Variants in CALCR observed in about 807,000 individuals in gnomAD.
The protein encoded by CALCR is calcitonin receptor.
Under a neutral mutation model 59.5 loss-of-function variants are expected in CALCR, and 47 were observed. That is an observed-to-expected ratio of 0.79 (90% CI 0.63 to 1.01). The LOEUF (loss-of-function observed/expected upper bound fraction) is 1.01. Among genes scored for constraint, CALCR ranks in the 50% least tolerant of loss-of-function variants. The pLI, the probability that CALCR is intolerant of heterozygous loss-of-function variation, is 0.00. For missense variants in CALCR, 566 were observed against 597.1 expected (o/e 0.95, Z 0.54); for synonymous variants, 213 against 211.3 (o/e 1.01, Z -0.07).
Position 93,503,582 on chromosome 7 carries a change from C to T in CALCR, c.-26-16575G>A, listed in dbSNP as rs147879786. ...CATTTTCTAATTTTTGCAACATTGA[C>T]GGGAATTGCTTTTGAAAAAAAAGAA... On this transcript the variant is annotated intron_variant, in intron 2 of 13. Transcript: ENST00000426151. 2.2e-3 allele frequency among the ~76,000 whole-genome samples: 339 copies of T among 151,780 alleles called. 8 individuals carry two copies. Among genetic ancestry groups the T allele is most frequent in the Admixed American group, 0.02 (307 of 15,234 alleles).
At chr7:93,497,064 C>T (rs576908582) in intron 2 of CALCR, among the ~76,000 whole-genome samples, 4 of 151,686 alleles carry the variant, frequency 2.6e-5, no homozygotes, top group African/African-American at 7.2e-5. Context: ...TTTAAAATGT[C>T]TATCTAAATC....
chr7:93,510,607 C>T (rs1028561193), intron 2 of CALCR, among the ~76,000 whole-genome samples: 3 of 152,150 alleles, frequency 2.0e-5, no homozygotes, highest in African/African-American at 2.4e-5. Context: ...GTGGCTCAAG[C>T]TTATAATCCC....
chr7:93,484,409 G>A (rs1209034535), intron 3 of CALCR, among the ~76,000 whole-genome samples: 1 of 151,724 alleles, frequency 6.6e-6, no homozygotes, highest in Non-Finnish European at 1.5e-5. Flanking sequence ...TGTGCTGAAG[G>A]GAGAGCTTCC....
intron 2 of CALCR, among the ~76,000 whole-genome samples, chr7:93,525,518 G>A (rs1801858803): frequency 6.6e-6 from 1 of 152,168 alleles, no homozygotes; most frequent in African/African-American, 2.4e-5. Context: ...TGGTGTGTAT[G>A]TTGAACACAG....
intron 7 of CALCR, among the ~76,000 whole-genome samples, chr7:93,464,229 A>T (rs771597080): frequency 6.6e-6 from 1 of 151,972 alleles, no homozygotes; most frequent in Non-Finnish European, 1.5e-5. Context: ...TTGCCAGTTG[A>T]CTAAATCAGT....
chr7:93,441,715 G>T (rs1799909930), intron 9 of CALCR, among the ~76,000 whole-genome samples: 1 of 152,112 alleles, frequency 6.6e-6, no homozygotes, highest in Non-Finnish European at 1.5e-5. Context: ...GTGCAGCGCT[G>T]CTCTCCTTAT....
intron 2 of CALCR, among the ~76,000 whole-genome samples, chr7:93,492,442 T>A (rs1018057732): frequency 6.6e-6 from 1 of 151,422 alleles, no homozygotes; most frequent in African/African-American, 2.4e-5. Flanking sequence ...CCCAAAAGGG[T>A]AAATTCTATT....
intron 13 of CALCR, among the ~76,000 whole-genome samples, chr7:93,433,047 A>G (rs1799690862): frequency 6.6e-6 from 1 of 152,182 alleles, no homozygotes; most frequent in Non-Finnish European, 1.5e-5. Context: ...ATGAGTTGGT[A>G]GGTGAATGGA....
chr7:93,494,630 G>GAA, intron 2 of CALCR, among the ~76,000 whole-genome samples: 1 of 151,522 alleles, frequency 6.6e-6, no homozygotes, highest in Non-Finnish European at 1.5e-5. Context: ...CCTCTAGTCA[G>GAA]AAAAGTTGCA....
At chr7:93,508,139 TA>T (rs1422967994) in intron 2 of CALCR, among the ~76,000 whole-genome samples, 1 of 152,234 alleles carries the variant, frequency 6.6e-6, no homozygotes, top group African/African-American at 2.4e-5. Flanking sequence ...TTCACACATA[TA>T]TTGCCATTTG....
At chr7:93,544,846 A>T in intron 2 of CALCR, among the ~76,000 whole-genome samples, 1 of 152,142 alleles carries the variant, frequency 6.6e-6, no homozygotes. Context: ...AAAGATATTT[A>T]TGTCACTGTG....
In CALCR at chr7:93,472,369, A is replaced by G; in HGVS notation, c.429+6T>C. On this transcript the variant is annotated splice_donor_region_variant and intron_variant, in intron 6 of 13. Transcript: ENST00000426151. ...ACTCAATACTGAAACGTGAAAAAGA[A>G]CCTACCTTCAGTTTCTCAGGAGTGA... is the stretch of plus-strand genomic sequence containing the variant. 6.6e-7 allele frequency: 1 copy of G among 1,517,942 alleles called. No homozygotes were observed. Among genetic ancestry groups the G allele is most frequent in the Non-Finnish European group, 9.1e-7 (1 of 1,095,604 alleles). The allele number at this position is 1,517,942 out of a possible 1,614,324, so 94.0% of individuals were successfully genotyped here.
Position 93,441,146 on chromosome 7 carries a change from G to A in CALCR, c.802+2458C>T, listed in dbSNP as rs1799893730. ...AGCAGTATAAATTGTTCCTTCCAGGGTGCCCTTGTCTCTGCTGAATGTCAC... is the reference window on the plus strand; with the variant it reads ...AGCAGTATAAATTGTTCCTTCCAGGATGCCCTTGTCTCTGCTGAATGTCAC... On this transcript the variant is annotated intron_variant, in intron 9 of 13. Coordinates refer to ENST00000426151, the MANE Select transcript of CALCR (RefSeq NM_001742.4). Among the ~76,000 whole-genome samples, 3 of 152,180 alleles carry A rather than the reference G, an allele frequency of 2.0e-5. No individual in the cohort carries two copies. In the South Asian group the frequency reaches 6.2e-4, roughly 32 times the overall value.
chr7:93,429,003 T>G (rs1175600146), intron 13 of CALCR, among the ~76,000 whole-genome samples: 1 of 152,210 alleles, frequency 6.6e-6, no homozygotes, highest in Non-Finnish European at 1.5e-5. Context: ...GAGTATCCAT[T>G]TATATTAATA....
intron 8 of CALCR, among the ~76,000 whole-genome samples, chr7:93,450,425 A>G (rs1384886368): frequency 6.6e-6 from 1 of 151,980 alleles, no homozygotes; most frequent in Non-Finnish European, 1.5e-5. Context: ...TCACATGGTT[A>G]TGTGGTCAGT....
At chr7:93,516,472 C>T (rs928233739) in intron 2 of CALCR, among the ~76,000 whole-genome samples, 1 of 151,748 alleles carries the variant, frequency 6.6e-6, no homozygotes, top group African/African-American at 2.4e-5. Flanking sequence ...AGCCTAATGC[C>T]TCATAACAGG....
At chr7:93,447,236 A>G (rs1264879964) in intron 8 of CALCR, among the ~76,000 whole-genome samples, 1 of 152,048 alleles carries the variant, frequency 6.6e-6, no homozygotes, top group Non-Finnish European at 1.5e-5. Context: ...GAATTATAGA[A>G]CACAGGTTTT....
At chr7:93,542,697 A>G (rs1190079278) in intron 2 of CALCR, among the ~76,000 whole-genome samples, 1 of 123,952 alleles carries the variant, frequency 8.1e-6, no homozygotes, top group Non-Finnish European at 2.0e-5. Context: ...TTGTACAAAA[A>G]TATTTTATTT....
intron 2 of CALCR, among the ~76,000 whole-genome samples, chr7:93,564,744 A>T (rs1584635576): frequency 7.0e-6 from 1 of 143,854 alleles, no homozygotes; most frequent in South Asian, 2.2e-4. Context: ...GTGGGCCACC[A>T]CACCCAGCCA....
Sources: gnomAD v4.1 joint callset for allele counts (sites outside exome capture counted in the v4.1 genomes callset) on GRCh38, gnomAD v4.1.1 for gene constraint, MANE v1.5 for transcripts, NCBI Gene and HGNC (gene_info 2026-07-23, HGNC 2026-07-21) for gene names.